Variants in FOXN4 observed in about 807,000 individuals in gnomAD.
FOXN4 encodes forkhead box N4, also known as forkhead box protein N4.
Under a neutral mutation model 45.0 loss-of-function variants are expected in FOXN4, and 12 were observed. That is an observed-to-expected ratio of 0.27 (90% CI 0.17 to 0.43). FOXN4 has a LOEUF of 0.43. Ranked by LOEUF, FOXN4 falls within the 20% of genes least tolerant of loss-of-function variation. FOXN4 has a pLI of 1.00. For synonymous variants in FOXN4, 297 were observed against 295.0 expected (o/e 1.01, Z -0.07); for missense variants, 560 against 694.9 (o/e 0.81, Z 2.18).
chr12:109,304,421 C>G (rs996298995), intron 2 of FOXN4, among the ~76,000 whole-genome samples: 3 of 152,166 alleles, frequency 2.0e-5, no homozygotes, highest in Non-Finnish European at 4.4e-5. Context: ...TGTTTTAGCA[C>G]CTCTAAGGGT....
chr12:109,293,949 G>T (rs1197893288), intron 2 of FOXN4, among the ~76,000 whole-genome samples: 2 of 152,172 alleles, frequency 1.3e-5, no homozygotes, highest in African/African-American at 2.4e-5. Context: ...CTTCACAGAG[G>T]GGGAAGCTGA....
chr12:109,279,516 A>G lies in FOXN4; in HGVS notation c.*155T>C. On this transcript the variant is annotated 3_prime_UTR_variant, in exon 10 of 10. Coordinates refer to ENST00000299162, the MANE Select transcript of FOXN4 (RefSeq NM_213596.3). ...GGCACGAGAAGGAGAGGGGCTGCTG[A>G]GGGGAACCGCTTCCCTGTCCAGCCG... 2.6e-6 allele frequency: 3 copies of G among 1,143,516 alleles called. No individual in the cohort carries two copies. Among genetic ancestry groups the G allele is most frequent in the Non-Finnish European group, 3.6e-6 (3 of 822,460 alleles). The allele number at this position is 1,143,516 out of a possible 1,614,324, so 70.8% of individuals were successfully genotyped here.
chr12:109,288,961 A>G lies in FOXN4; in HGVS notation c.233-781T>C, dbSNP rs2047741452. Among the ~76,000 whole-genome samples the G allele has an allele frequency of 6.6e-6, 1 of 152,162 alleles. No individual in the cohort carries two copies. Among genetic ancestry groups the G allele is most frequent in the Non-Finnish European group, 1.5e-5 (1 of 68,020 alleles). On this transcript the variant is annotated intron_variant, in intron 3 of 9. Transcript: ENST00000299162. This position sits in a 1 kb window ranked among gnomAD's most constrained non-coding sequence, Gnocchi z 4.3. Reference sequence around the variant, plus strand: ...CAGCTTTCTAAGAACTGGGACCACAACTTATATCATTCATTGCTCCAAATG... The same window carrying G: ...CAGCTTTCTAAGAACTGGGACCACAGCTTATATCATTCATTGCTCCAAATG...
chr12:109,288,713 T>C lies in FOXN4; in HGVS notation c.233-533A>G, dbSNP rs1288652952. On this transcript the variant is annotated intron_variant, in intron 3 of 9. Transcript: ENST00000299162. The surrounding 1 kb of genome is among the most constrained non-coding windows in gnomAD (Gnocchi z 4.3). ...TGGCAGACATACTTCCCCCATCTTGTGCTGGGCTTGTGACAGACATTGCTA... is the reference window on the plus strand; with the variant it reads ...TGGCAGACATACTTCCCCCATCTTGCGCTGGGCTTGTGACAGACATTGCTA... 6.6e-6 allele frequency among the ~76,000 whole-genome samples: 1 copy of C among 152,214 alleles called. No homozygotes were observed. Among genetic ancestry groups the C allele is most frequent in the Non-Finnish European group, 1.5e-5 (1 of 68,028 alleles).
At chr12:109,307,269 T>C (rs1317216600) in intron 2 of FOXN4, among the ~76,000 whole-genome samples, 1 of 152,140 alleles carries the variant, frequency 6.6e-6, no homozygotes, top group East Asian at 1.9e-4. Flanking sequence ...ACAGGGCTGA[T>C]AGGAGGTGAC....
chr12:109,281,437 C>G lies in FOXN4; in HGVS notation c.1264G>C (p.Asp422His). Reference protein sequence around the residue: ...TDMNTEVDALDPSIMDFALQG... With the variant: ...TDMNTEVDALHPSIMDFALQG... ...AGAGCGAAGTCCATGATGCTCGGGT[C>G]GAGGGCATCCACCTCAGTGTTCATG... Residue 422 changes from aspartate to histidine, a missense_variant, in exon 9 of 10, where the codon GAC (aspartate) becomes CAC (histidine). Physicochemically the swap from Asp to His is moderately conservative, Grantham distance 81. Transcript: ENST00000299162. The G allele has an allele frequency of 1.2e-6, 2 of 1,613,960 alleles. No homozygotes were observed. The highest frequency in any genetic ancestry group is 1.7e-6 in the Non-Finnish European group (2 of 1,179,884).
chr12:109,285,272 T>TGC (rs34524845), intron 8 of FOXN4, 32 bp downstream of exon 8: 50,197 of 1,486,128 alleles, frequency 0.034, 1,142 homozygotes, highest in East Asian at 0.16. Context: ...TGTGTGTGTG[T>TGC]GTGCGCGCAC....
chr12:109,296,419 C>T (rs893535570), intron 2 of FOXN4, among the ~76,000 whole-genome samples: 1 of 152,250 alleles, frequency 6.6e-6, no homozygotes, highest in Non-Finnish European at 1.5e-5. Flanking sequence ...CTTCTGTTCC[C>T]TCACAAAGGA....
At chr12:109,292,213 C>A (rs1566001572) in intron 2 of FOXN4, among the ~76,000 whole-genome samples, 4 of 152,170 alleles carry the variant, frequency 2.6e-5, no homozygotes, top group Admixed American at 2.0e-4. Flanking sequence ...CTCCCCACTG[C>A]CCTGGCTGCT....
In FOXN4 at chr12:109,285,000, CGT is replaced by C. The variant is rs370768510; in HGVS notation, c.901+302_901+303del. On this transcript the variant is annotated intron_variant, in intron 8 of 9. Coordinates refer to ENST00000299162, the MANE Select transcript of FOXN4 (RefSeq NM_213596.3). ...TGGCAGCCAGGTCCTTCCTCTTCTG[CGT>C]GTGTGCGTGCATTTGTGTGCACAGG... is the stretch of plus-strand genomic sequence containing the variant. Among the ~76,000 whole-genome samples the C allele has an allele frequency of 3.0e-4, 42 of 141,346 alleles. No homozygotes were observed. The East Asian group carries it at 7.4e-3, about 25-fold the overall frequency. 92.7% of individuals were successfully genotyped at this position (141,346 alleles called of 152,430 possible).
In FOXN4 at chr12:109,287,371, C is replaced by G. The variant is rs1172821396; in HGVS notation, c.596+26G>C. The G allele has an allele frequency of 1.0e-5, 16 of 1,551,054 alleles. No individual in the cohort carries two copies. The highest frequency in any genetic ancestry group is 1.7e-4 in the Middle Eastern group (1 of 5,786). On this transcript the variant is annotated intron_variant, in intron 6 of 9. Transcript: ENST00000299162. The surrounding 1 kb of genome is among the most constrained non-coding windows in gnomAD (Gnocchi z 4.1). ...CTCTCTCCCGGAGCCGCCCTTGGCC[C>G]TGACCCGGCCCACCCTGGACCTCAC...
chr12:109,294,137 G>C (rs2047795419), intron 2 of FOXN4, among the ~76,000 whole-genome samples: 1 of 152,122 alleles, frequency 6.6e-6, no homozygotes, highest in African/African-American at 2.4e-5. Context: ...ACGCGAACCG[G>C]CATCTCCCAG....
Position 109,288,241 on chromosome 12 carries a change from C to G in FOXN4, c.233-61G>C. 6.6e-7 allele frequency: 1 copy of G among 1,521,756 alleles called. No homozygotes were observed. The highest frequency in any genetic ancestry group is 8.8e-7 in the Non-Finnish European group (1 of 1,140,264). The allele number at this position is 1,521,756 out of a possible 1,614,324, so 94.3% of individuals were successfully genotyped here. ...GAGGAATGGTGGCTGCCACCAGGAA[C>G]AGCCCAGTGCCCAGGTGTCTCCGGA... On this transcript the variant is annotated intron_variant, in intron 3 of 9. Transcript: ENST00000299162. The surrounding 1 kb of genome is among the most constrained non-coding windows in gnomAD (Gnocchi z 4.3).
intron 2 of FOXN4, among the ~76,000 whole-genome samples, chr12:109,307,377 A>T (rs2136953008): frequency 6.6e-6 from 1 of 152,006 alleles, no homozygotes; most frequent in South Asian, 2.1e-4. Flanking sequence ...CTGTCGGGGG[A>T]GCCCTGGAAA....
intron 2 of FOXN4, among the ~76,000 whole-genome samples, chr12:109,301,199 T>C (rs530785737): frequency 1.3e-4 from 20 of 152,242 alleles, no homozygotes; most frequent in East Asian, 7.7e-4. Flanking sequence ...AATGGGGAAG[T>C]CTTGGGAAGA....
chr12:109,293,045 G>A (rs535863815), intron 2 of FOXN4, among the ~76,000 whole-genome samples: 75 of 151,860 alleles, frequency 4.9e-4, no homozygotes, highest in Non-Finnish European at 8.7e-4. Context: ...TCACCTCCAC[G>A]CCTTTGCATT....
At chr12:109,304,274 AGAAAGAAAGAAAGAAAGAAAG>A (rs755356308) in intron 2 of FOXN4, among the ~76,000 whole-genome samples, 10,666 of 95,132 alleles carry the variant, frequency 0.11, 904 homozygotes, top group Admixed American at 0.14. Context: ...AAAGAAAGAA[AGAAAGAAAGAAAGAAAGAAAG>A]GAGAAAGAAA....
chr12:109,289,976 T>C (rs938011028), intron 3 of FOXN4, among the ~76,000 whole-genome samples, 165 bp downstream of exon 3: 1 of 151,958 alleles, frequency 6.6e-6, no homozygotes, highest in Non-Finnish European at 1.5e-5. Context: ...ATAAACCACA[T>C]CTCTCTAAGG....
At chr12:109,280,217 C>T (rs2047639785) in intron 9 of FOXN4, among the ~76,000 whole-genome samples, 1 of 152,084 alleles carries the variant, frequency 6.6e-6, no homozygotes, top group African/African-American at 2.4e-5. Flanking sequence ...GTAGCGCACA[C>T]CTGTAATCCC....
Sources: gnomAD v4.1 joint callset for allele counts (sites outside exome capture counted in the v4.1 genomes callset) on GRCh38, gnomAD v4.1.1 for gene constraint, Gnocchi (gnomAD v3.1) non-coding constraint, MANE v1.5 for transcripts, NCBI Gene and HGNC (gene_info 2026-07-23, HGNC 2026-07-21) for gene names.